PTPRT: variants seen among roughly 807,000 people sequenced by gnomAD.
The protein encoded by PTPRT is receptor-type tyrosine-protein phosphatase T.
In PTPRT, 56 loss-of-function variants were observed where a neutral mutation model predicts 176.8. That is an observed-to-expected ratio of 0.32 (90% CI 0.26 to 0.40). PTPRT has a LOEUF of 0.40. Ranked by LOEUF, PTPRT falls within the 10% of genes least tolerant of loss-of-function variation. The probability of loss-of-function intolerance (pLI) is 1.00; values close to 1 mark genes in which losing one functional copy is unlikely to be tolerated. For synonymous variants in PTPRT, 783 were observed against 739.0 expected, an observed-to-expected ratio of 1.06 and a Z score of -0.96; for missense variants, 1,540 against 1,908.2, an observed-to-expected ratio of 0.81 and a Z score of 3.60.
At chr20:43,130,767 G>A (rs1376956983) in intron 1 of PTPRT, among the ~76,000 whole-genome samples, 3 of 146,372 alleles carry the variant, frequency 2.0e-5, no homozygotes, top group Non-Finnish European at 4.5e-5. Context: ...GAGACATAAG[G>A]CAAACACGAA....
chr20:42,129,229 A>G (rs1012405781), intron 18 of PTPRT, among the ~76,000 whole-genome samples: 1 of 152,262 alleles, frequency 6.6e-6, no homozygotes, highest in Admixed American at 6.5e-5. Context: ...GTTTAAAAAC[A>G]GCAAGTTTAC....
intron 1 of PTPRT, among the ~76,000 whole-genome samples, chr20:43,135,208 C>T (rs1471731675): frequency 6.6e-6 from 1 of 152,190 alleles, no homozygotes; most frequent in Non-Finnish European, 1.5e-5. Context: ...AGGCACGATG[C>T]TGCCAACTGT....
chr20:42,276,545 ATATATATATATAT>A (rs1275345980), intron 13 of PTPRT, among the ~76,000 whole-genome samples: 9 of 63,394 alleles, frequency 1.4e-4, no homozygotes, highest in Non-Finnish European at 1.8e-4. Context: ...ATATATATAT[ATATATATATATAT>A]AATGTTCTTG....
At chr20:42,151,666 A>G (rs1199575740) in intron 17 of PTPRT, among the ~76,000 whole-genome samples, 1 of 152,190 alleles carries the variant, frequency 6.6e-6, no homozygotes, top group East Asian at 1.9e-4. Flanking sequence ...TATACCCAGT[A>G]ATGGGATTGC....
intron 16 of PTPRT, among the ~76,000 whole-genome samples, chr20:42,180,228 T>C (rs974726902): frequency 6.6e-6 from 1 of 152,192 alleles, no homozygotes; most frequent in Non-Finnish European, 1.5e-5. Flanking sequence ...ATATTTCTTA[T>C]GGGTTCCACT....
intron 9 of PTPRT, among the ~76,000 whole-genome samples, chr20:42,413,322 C>A (rs1354030429): frequency 1.3e-5 from 2 of 152,112 alleles, no homozygotes; most frequent in African/African-American, 4.8e-5. Flanking sequence ...CCCAAAGCAC[C>A]AGGACATTCA....
chr20:42,765,770 T>C (rs1288242026), intron 5 of PTPRT, among the ~76,000 whole-genome samples: 1 of 152,082 alleles, frequency 6.6e-6, no homozygotes, highest in Non-Finnish European at 1.5e-5. Context: ...ATTATATGAC[T>C]CTATAACTCA....
At chr20:42,713,562 C>T (rs532442224) in intron 6 of PTPRT, among the ~76,000 whole-genome samples, 16 of 152,204 alleles carry the variant, frequency 1.1e-4, no homozygotes, top group African/African-American at 3.4e-4. Flanking sequence ...AACTGTAAGA[C>T]TTTTAACATT....
At chr20:42,878,444 A>C (rs1195779701) in intron 2 of PTPRT, among the ~76,000 whole-genome samples, 2 of 152,226 alleles carry the variant, frequency 1.3e-5, no homozygotes, top group Non-Finnish European at 2.9e-5. Context: ...GCCATCATAA[A>C]TCATGACTGC....
intron 12 of PTPRT, among the ~76,000 whole-genome samples, chr20:42,287,262 T>C (rs1276248000): frequency 1.3e-5 from 2 of 151,896 alleles, no homozygotes; most frequent in Non-Finnish European, 2.9e-5. Flanking sequence ...GATAAATCAA[T>C]ATATTGAGGA....
chr20:42,714,097 T>A (rs1349166289), intron 6 of PTPRT, among the ~76,000 whole-genome samples: 1 of 152,198 alleles, frequency 6.6e-6, no homozygotes, highest in East Asian at 1.9e-4. Context: ...TCATTTCCCA[T>A]GCAGCTGTTG....
intron 27 of PTPRT, among the ~76,000 whole-genome samples, chr20:42,089,160 C>A (rs916455812): frequency 2.0e-5 from 3 of 151,934 alleles, no homozygotes; most frequent in Non-Finnish European, 4.4e-5. Context: ...CACGGGCCTC[C>A]ATGGCTGGAC....
intron 7 of PTPRT, among the ~76,000 whole-genome samples, chr20:42,558,090 T>TA (rs1381542427): frequency 5.9e-5 from 9 of 152,142 alleles, no homozygotes; most frequent in African/African-American, 1.7e-4. Flanking sequence ...ATCACTCAGG[T>TA]ATTAAACCTA....
chr20:42,244,059 G>C (rs2056406158), intron 14 of PTPRT, among the ~76,000 whole-genome samples: 1 of 152,146 alleles, frequency 6.6e-6, no homozygotes, highest in Non-Finnish European at 1.5e-5. Flanking sequence ...CAGGTTCAGG[G>C]AACAAAGCCT....
chr20:42,174,653 A>G (rs1254448687), intron 16 of PTPRT, among the ~76,000 whole-genome samples: 2 of 152,166 alleles, frequency 1.3e-5, no homozygotes, highest in Non-Finnish European at 2.9e-5. Flanking sequence ...AATCTGATAT[A>G]TTGAGGAAAA....
chr20:42,967,408 T>C (rs1982360853), intron 1 of PTPRT, among the ~76,000 whole-genome samples: 2 of 151,796 alleles, frequency 1.3e-5, no homozygotes, highest in Non-Finnish European at 2.9e-5. Flanking sequence ...CACAGACACG[T>C]GGAAAAGAAG....
intron 1 of PTPRT, among the ~76,000 whole-genome samples, chr20:43,040,068 G>T (rs1294552599): frequency 6.6e-6 from 1 of 151,782 alleles, no homozygotes; most frequent in African/African-American, 2.4e-5. Context: ...GAAGAAGAAA[G>T]AAGGAAGAAA....
intron 7 of PTPRT, among the ~76,000 whole-genome samples, chr20:42,677,490 C>T (rs1246596812): frequency 1.3e-5 from 2 of 152,010 alleles, no homozygotes; most frequent in African/African-American, 4.8e-5. Context: ...CAAGAGCCCT[C>T]GGAGAAATTA....
chr20:42,444,663 G>C (rs1011748853), intron 9 of PTPRT, among the ~76,000 whole-genome samples: 14 of 152,062 alleles, frequency 9.2e-5, no homozygotes, highest in African/African-American at 3.4e-4. Flanking sequence ...GAAGGCCACA[G>C]ACAATCCTGA....
Sources: allele counts gnomAD v4.1 joint callset (sites outside exome capture counted in the v4.1 genomes callset), GRCh38; gene constraint gnomAD v4.1.1; transcripts MANE v1.5; gene names NCBI Gene and HGNC (gene_info 2026-07-23, HGNC 2026-07-21).